Variants in PARN observed in about 807,000 individuals in gnomAD.
The protein encoded by PARN is poly(A)-specific ribonuclease.
A neutral mutation model predicts 102.8 loss-of-function variants in PARN; 71 were observed. That is an observed-to-expected ratio of 0.69 (90% confidence interval 0.57 to 0.84). The LOEUF (loss-of-function observed/expected upper bound fraction) is 0.84. Ranked by LOEUF, PARN falls within the 40% of genes least tolerant of loss-of-function variation. The pLI, the probability that PARN is intolerant of heterozygous loss-of-function variation, is 0.00. For synonymous variants in PARN, 261 were observed against 252.9 expected (o/e 1.03, Z -0.30); for missense variants, 782 against 760.9 (o/e 1.03, Z -0.33).
At chr16:14,495,727 T>C (rs1964280915) in intron 21 of PARN, among the ~76,000 whole-genome samples, 1 of 152,090 alleles carries the variant, frequency 6.6e-6, no homozygotes, top group Non-Finnish European at 1.5e-5. Flanking sequence ...GTGGAAGGAA[T>C]TCTGCCCATG....
intron 2 of PARN, among the ~76,000 whole-genome samples, chr16:14,629,082 C>A (rs1023217728): frequency 1.3e-5 from 2 of 152,152 alleles, no homozygotes; most frequent in Non-Finnish European, 2.9e-5. Flanking sequence ...ATGTTAAGGG[C>A]AGTCAAATTC....
At chr16:14,451,903 T>G (rs1467298391) in intron 22 of PARN, among the ~76,000 whole-genome samples, 1 of 119,956 alleles carries the variant, frequency 8.3e-6, no homozygotes, top group Non-Finnish European at 1.7e-5. Context: ...TACAAAAAAT[T>G]AGCCAGGCAC....
chr16:14,629,513 CA>C (rs1216680321), intron 2 of PARN, 83 bp downstream of exon 2: 1 of 985,576 alleles, frequency 1.0e-6, no homozygotes. Flanking sequence ...CACCACCAAG[CA>C]TAAGAAGTTG....
chr16:14,515,645 G>A (rs773465638), intron 21 of PARN, among the ~76,000 whole-genome samples: 2 of 152,190 alleles, frequency 1.3e-5, no homozygotes, highest in Non-Finnish European at 1.5e-5. Flanking sequence ...ATATATGAAA[G>A]AACATTAAGG....
chr16:14,564,935 T>C (rs923847877), intron 18 of PARN: 4 of 152,270 alleles, frequency 2.6e-5, no homozygotes, highest in South Asian at 2.1e-4. Context: ...TACAATCTCA[T>C]CTCAACCCAA....
intron 7 of PARN, among the ~76,000 whole-genome samples, chr16:14,609,898 G>A (rs923894188): frequency 4.6e-5 from 7 of 152,158 alleles, no homozygotes; most frequent in African/African-American, 1.7e-4. Context: ...AGTTTTAGAA[G>A]TCAGCTGATT....
intron 18 of PARN, among the ~76,000 whole-genome samples, chr16:14,569,795 C>A (rs1012796338): frequency 1.3e-5 from 2 of 152,066 alleles, no homozygotes; most frequent in Non-Finnish European, 2.9e-5. Context: ...GAGTTACTGG[C>A]TTGCTGGTTA....
intron 6 of PARN, among the ~76,000 whole-genome samples, chr16:14,615,682 C>T (rs1403479912): frequency 6.6e-6 from 1 of 152,072 alleles, no homozygotes; most frequent in Non-Finnish European, 1.5e-5. Flanking sequence ...AAGTGAATCA[C>T]TTGAGGTCAG....
At chr16:14,579,654 TA>T (rs1969381223) in intron 18 of PARN, among the ~76,000 whole-genome samples, 1 of 152,076 alleles carries the variant, frequency 6.6e-6, no homozygotes, top group African/African-American at 2.4e-5. Flanking sequence ...ATCAAGTACA[TA>T]AAAATGTAAG....
intron 21 of PARN, among the ~76,000 whole-genome samples, chr16:14,510,099 C>T (rs950141606): frequency 6.6e-5 from 10 of 152,202 alleles, no homozygotes; most frequent in African/African-American, 1.9e-4. Context: ...TTCCTCCTGT[C>T]CTCTACTGGG....
intron 21 of PARN, among the ~76,000 whole-genome samples, chr16:14,533,233 G>T (rs376332135): frequency 0.17 from 26,420 of 151,996 alleles, 2,659 homozygotes; most frequent in Middle Eastern, 0.27. Context: ...GCGAAACCCC[G>T]TCTCCACCAA....
intron 22 of PARN, among the ~76,000 whole-genome samples, chr16:14,456,802 C>A (rs1390707590): frequency 1.3e-5 from 2 of 152,220 alleles, no homozygotes; most frequent in Admixed American, 1.3e-4. Context: ...CCGGTCTCAA[C>A]AGAAAAGAGA....
At chr16:14,615,811 G>GT (rs1971860031) in intron 6 of PARN, among the ~76,000 whole-genome samples, 1 of 151,324 alleles carries the variant, frequency 6.6e-6, no homozygotes, top group Non-Finnish European at 1.5e-5. Flanking sequence ...TGAGGCACGA[G>GT]TATCACTTGA....
At chr16:14,486,367 T>C (rs1963693056) in intron 21 of PARN, among the ~76,000 whole-genome samples, 1 of 152,004 alleles carries the variant, frequency 6.6e-6, no homozygotes, top group South Asian at 2.1e-4. Flanking sequence ...CAAGACCCTA[T>C]CTCGAAAAAA....
In PARN at chr16:14,515,236, GA is replaced by G. The variant is rs375901032; in HGVS notation, c.1481-32410del. 5.1e-4 allele frequency among the ~76,000 whole-genome samples: 78 copies of G among 152,206 alleles called. No homozygotes were observed. The East Asian group carries it at 0.012, about 23-fold the overall frequency. On this transcript the variant is annotated intron_variant, in intron 21 of 23. Coordinates refer to ENST00000437198, the MANE Select transcript of PARN (RefSeq NM_002582.4). The stretch of plus-strand genomic sequence containing the variant: ...CACAATCCTCCTGCCTCAATCTCCT[GA>G]GTAGCTGGGACTATAAGCTTGTGCC...
chr16:14,481,491 AAAAC>A, intron 22 of PARN, among the ~76,000 whole-genome samples: 1 of 152,348 alleles, frequency 6.6e-6, no homozygotes, highest in South Asian at 2.1e-4. Context: ...GGATTGTTTG[AAAAC>A]AGACACAAGG....
At chr16:14,443,340 C>CT (rs200799394) in intron 23 of PARN, among the ~76,000 whole-genome samples, 13,856 of 139,054 alleles carry the variant, frequency 0.1, 969 homozygotes, top group African/African-American at 0.2. Flanking sequence ...AAAGAGATTA[C>CT]TTTTTTTTTT....
rs925889188 is a variant in PARN, at chr16:14,544,539, C to T, written c.1480+7482G>A. On this transcript the variant is annotated intron_variant, in intron 21 of 23. Transcript: ENST00000437198. The stretch of plus-strand genomic sequence containing the variant: ...GCAGTAAGCTGAGACCGCACCACTG[C>T]ACTCCTGCCTGGGCAACAGAATGAG... 9.9e-5 allele frequency among the ~76,000 whole-genome samples: 15 copies of T among 152,282 alleles called. No homozygotes were observed. The South Asian group carries it at 3.1e-3, about 32-fold the overall frequency.
At chr16:14,561,269 G>T (rs566311549) in intron 18 of PARN, among the ~76,000 whole-genome samples, 1 of 151,554 alleles carries the variant, frequency 6.6e-6, no homozygotes, top group African/African-American at 2.4e-5. Context: ...CTAGAATATA[G>T]AACCTTGAAC....
Sources: gnomAD v4.1 joint callset for allele counts (sites outside exome capture counted in the v4.1 genomes callset) on GRCh38, gnomAD v4.1.1 for gene constraint, MANE v1.5 for transcripts, NCBI Gene and HGNC (gene_info 2026-07-23, HGNC 2026-07-21) for gene names.